RAB32: variants seen among roughly 807,000 people sequenced by gnomAD.
RAB32 encodes the protein ras-related protein Rab-32.
A neutral mutation model predicts 17.5 loss-of-function variants in RAB32; 17 were observed. That is an observed-to-expected ratio of 0.97 (90% CI 0.67 to 1.46). The LOEUF is 1.46. Among genes scored for constraint, RAB32 ranks in the 40% most tolerant of loss-of-function variants. The probability of loss-of-function intolerance (pLI) is 0.00; values close to 1 mark genes in which losing one functional copy is unlikely to be tolerated. For missense variants in RAB32, 288 were observed against 284.3 expected, an observed-to-expected ratio of 1.01 and a Z score of -0.09; for synonymous variants, 115 against 111.1, an observed-to-expected ratio of 1.04 and a Z score of -0.22.
intron 2 of RAB32, among the ~76,000 whole-genome samples, chr6:146,554,212 G>A (rs1247794243): frequency 6.6e-6 from 1 of 152,000 alleles, no homozygotes; most frequent in African/African-American, 2.4e-5. Context: ...GAACCTCAGT[G>A]GCAAAGGTTT....
At chr6:146,551,210 C>T (rs1460893107) in intron 2 of RAB32, among the ~76,000 whole-genome samples, 1 of 152,174 alleles carries the variant, frequency 6.6e-6, no homozygotes, top group African/African-American at 2.4e-5. Flanking sequence ...AATATAGCAT[C>T]TTAAAATTTC....
intron 1 of RAB32, among the ~76,000 whole-genome samples, chr6:146,546,757 A>G (rs1779827033): frequency 6.6e-6 from 1 of 151,230 alleles, no homozygotes; most frequent in Admixed American, 6.6e-5. Context: ...TAACTAAGTT[A>G]AGGTGTGGTG....
chr6:146,554,187 T>C (rs1481231582), intron 2 of RAB32, among the ~76,000 whole-genome samples: 1 of 152,090 alleles, frequency 6.6e-6, no homozygotes, highest in Non-Finnish European at 1.5e-5. Context: ...TTTTCAACCG[T>C]CGAGATAGCT....
chr6:146,549,865 A>G, intron 2 of RAB32, 124 bp downstream of exon 2: 1 of 1,139,108 alleles, frequency 8.8e-7, no homozygotes. Context: ...GAAGTGTAGC[A>G]TGGATGTGTT....
chr6:146,547,753 A>G (rs1331960737), intron 1 of RAB32, among the ~76,000 whole-genome samples: 1 of 151,070 alleles, frequency 6.6e-6, no homozygotes, highest in Non-Finnish European at 1.5e-5. Context: ...AACAGTCACT[A>G]AAGTTTAACA....
At position 146,546,463 on chromosome 6, in the gene RAB32, A is replaced by G. The variant is rs565569242; in HGVS notation, c.250+2342A>G. On this transcript the variant is annotated intron_variant, in intron 1 of 2. Coordinates refer to ENST00000367495, the MANE Select transcript of RAB32 (RefSeq NM_006834.5). ...AAAAACAAAAAAAACTGTTTTAGAGACCAAAAAAAGCAAAACAAAACAAAA... is the reference window on the plus strand; with the variant it reads ...AAAAACAAAAAAAACTGTTTTAGAGGCCAAAAAAAGCAAAACAAAACAAAA... Among the ~76,000 whole-genome samples, 48 of 152,186 alleles carry G rather than the reference A, an allele frequency of 3.2e-4. No individual in the cohort carries two copies. In the South Asian group the frequency reaches 9.5e-3, roughly 30 times the overall value.
chr6:146,551,461 G>A (rs537686315), intron 2 of RAB32, among the ~76,000 whole-genome samples: 37 of 152,216 alleles, frequency 2.4e-4, no homozygotes, highest in African/African-American at 6.7e-4. Context: ...CTGAGCTGGA[G>A]TGATCTGCCT....
rs773822297 is a variant in RAB32 at position 146,554,731 on chromosome 6, G to C, written c.*126G>C. ...ACTTCAAAAGGCAGCACCACTGGGC[G>C]CCTGCACTTATTTGAAAATGGAACT... On this transcript the variant is annotated 3_prime_UTR_variant, in exon 3 of 3. Coordinates refer to ENST00000367495, the MANE Select transcript of RAB32 (RefSeq NM_006834.5). 1.3e-5 allele frequency: 13 copies of C among 1,012,672 alleles called. No individual in the cohort carries two copies. The South Asian group carries it at 2.7e-4, about 21-fold the overall frequency. 62.7% of individuals were successfully genotyped at this position (1,012,672 alleles called of 1,614,324 possible).
At chr6:146,551,450 C>T (rs1779897954) in intron 2 of RAB32, among the ~76,000 whole-genome samples, 1 of 152,066 alleles carries the variant, frequency 6.6e-6, no homozygotes, top group Non-Finnish European at 1.5e-5. Context: ...GACTCAAACT[C>T]CTGAGCTGGA....
In RAB32 at chr6:146,544,773, C is replaced by T. The variant is rs1473624346; in HGVS notation, c.250+652C>T. Among the ~76,000 whole-genome samples the T allele has an allele frequency of 6.0e-5, 3 of 50,028 alleles. No individual in the cohort carries two copies. The South Asian group carries it at 2.2e-3, about 36-fold the overall frequency. The allele number at this position is 50,028 out of a possible 152,430, so 32.8% of individuals were successfully genotyped here. A position where few individuals can be genotyped will look rare whatever the true frequency, so the allele number is the denominator to read the frequency against. The stretch of plus-strand genomic sequence containing the variant: ...AGTCCCATCCCTGGTGCCCTCGCCC[C>T]CCCCCGCCCCCCCCCCACTCCTCAA... On this transcript the variant is annotated intron_variant, in intron 1 of 2. Transcript: ENST00000367495.
chr6:146,550,462 G>A (rs1475224244), intron 2 of RAB32, among the ~76,000 whole-genome samples: 1 of 151,930 alleles, frequency 6.6e-6, no homozygotes, highest in African/African-American at 2.4e-5. Flanking sequence ...TTCGAGACCA[G>A]CCTGGGCAAC....
At position 146,546,738 on chromosome 6, in the gene RAB32, T is replaced by C. The variant is rs2114782218; in HGVS notation, c.250+2617T>C. Among the ~76,000 whole-genome samples, 2 of 151,660 alleles carry C rather than the reference T, an allele frequency of 1.3e-5. 1 individual carries two copies. The highest frequency in any genetic ancestry group is 4.2e-4 in the South Asian group (2 of 4,806). ...TTGCACAATAGTAGATAGAGCCAGC[T>C]ACTTGCCATAACTAAGTTAAGGTGT... On this transcript the variant is annotated intron_variant, in intron 1 of 2. Coordinates refer to ENST00000367495, the MANE Select transcript of RAB32 (RefSeq NM_006834.5).
chr6:146,549,416 C>T (rs761011815), intron 1 of RAB32, 48 bp from the exon 2 acceptor site: 5 of 1,523,680 alleles, frequency 3.3e-6, no homozygotes, highest in Non-Finnish European at 2.7e-6. Flanking sequence ...TAAATGTAGA[C>T]TCTGTCTGAA....
intron 2 of RAB32, among the ~76,000 whole-genome samples, chr6:146,553,047 G>A (rs1030689108): frequency 2.0e-5 from 3 of 152,110 alleles, no homozygotes; most frequent in African/African-American, 7.2e-5. Context: ...GGGGAGAAGG[G>A]AACCTCTTTC....
At chr6:146,547,722 CAAAAA>C (rs34641788) in intron 1 of RAB32, among the ~76,000 whole-genome samples, 2 of 109,616 alleles carry the variant, frequency 1.8e-5, no homozygotes, top group South Asian at 5.9e-4. Flanking sequence ...AGATGATTCA[CAAAAA>C]AAAAAAAAAA....
At chr6:146,549,373 T>C (rs1250184412) in intron 1 of RAB32, 91 bp from the exon 2 acceptor site, 8 of 1,004,106 alleles carry the variant, frequency 8.0e-6, no homozygotes, top group Non-Finnish European at 1.2e-5. Flanking sequence ...CATTTGTTCA[T>C]AGTGTTGCTC....
At chr6:146,548,340 G>A (rs1473175379) in intron 1 of RAB32, among the ~76,000 whole-genome samples, 1 of 152,064 alleles carries the variant, frequency 6.6e-6, no homozygotes, top group African/African-American at 2.4e-5. Context: ...AAATTATATT[G>A]CATTGTAGAG....
rs75117427 is a variant in RAB32, at chr6:146,545,094, A to G, written c.250+973A>G. Among the ~76,000 whole-genome samples, 91 of 151,516 alleles carry G rather than the reference A, an allele frequency of 6.0e-4. No homozygotes were observed. In the East Asian group the frequency reaches 0.017, roughly 28 times the overall value. On this transcript the variant is annotated intron_variant, in intron 1 of 2. Coordinates refer to ENST00000367495, the MANE Select transcript of RAB32 (RefSeq NM_006834.5). ...CTGTCTCTACAAAATACATACATAC[A>G]TATATACATACATACATACAAAAAA...
At chr6:146,553,098 G>A (rs1205824878) in intron 2 of RAB32, among the ~76,000 whole-genome samples, 1 of 151,980 alleles carries the variant, frequency 6.6e-6, no homozygotes, top group African/African-American at 2.4e-5. Flanking sequence ...TTAAGTTTTA[G>A]GGTACATGTG....
Sources: gnomAD v4.1 joint callset for allele counts (sites outside exome capture counted in the v4.1 genomes callset) on GRCh38, gnomAD v4.1.1 for gene constraint, MANE v1.5 for transcripts, NCBI Gene and HGNC (gene_info 2026-07-23, HGNC 2026-07-21) for gene names.